The following SHROOM3 variants were observed in gnomAD, a reference collection of about 807,000 sequenced individuals.
The protein encoded by SHROOM3 is protein Shroom3.
Under a neutral mutation model 138.6 loss-of-function variants are expected in SHROOM3, and 47 were observed. The ratio of observed to expected loss-of-function variants is 0.34; its 90% CI spans 0.27 to 0.43. SHROOM3 has a LOEUF of 0.43. SHROOM3 is among the 20% of genes least tolerant of loss of function. The pLI, the probability that SHROOM3 is intolerant of heterozygous loss-of-function variation, is 1.00. For missense variants in SHROOM3, 2,491 were observed against 2,596.5 expected, an observed-to-expected ratio of 0.96 and a Z score of 0.88; for synonymous variants, 1,062 against 1,063.3, an observed-to-expected ratio of 1.00 and a Z score of 0.02.
intron 2 of SHROOM3, among the ~76,000 whole-genome samples, chr4:76,577,945 C>CT (rs1252628111): frequency 6.6e-6 from 1 of 152,098 alleles, no homozygotes; most frequent in Non-Finnish European, 1.5e-5. Flanking sequence ...TATTTTCTCT[C>CT]TCTTCTTCTT....
Position 76,756,628 on chromosome 4 carries a change from G to A in SHROOM3, c.4889G>A (p.Gly1630Glu), listed in dbSNP as rs955415110. 2.2e-5 allele frequency: 36 copies of A among 1,613,640 alleles called. No homozygotes were observed. The highest frequency in any genetic ancestry group is 2.8e-5 in the Non-Finnish European group (33 of 1,179,966). Residue 1630 changes from glycine to glutamate, a missense_variant, in exon 8 of 11, where the codon GGG becomes GAG. Physicochemically the swap from Gly to Glu is moderately conservative, Grantham distance 98. Coordinates refer to ENST00000296043, the MANE Select transcript of SHROOM3 (RefSeq NM_020859.4). ...GCCCAACTTGCTGGGTCTCTTGGTG[G>A]GCAGCCAGCACCCATCCAGACTCAA... is the stretch of plus-strand genomic sequence containing the variant. ...VHAQLAGSLG[G>E]QPAPIQTQSL...
At chr4:76,487,977 G>T (rs1731767096) in intron 1 of SHROOM3, among the ~76,000 whole-genome samples, 1 of 152,142 alleles carries the variant, frequency 6.6e-6, no homozygotes, top group Admixed American at 6.5e-5. Context: ...TAGGTGAAAA[G>T]AACTTTTAAT....
intron 2 of SHROOM3, among the ~76,000 whole-genome samples, chr4:76,689,283 T>C (rs1050223454): frequency 2.1e-5 from 3 of 142,472 alleles, no homozygotes; most frequent in Non-Finnish European, 3.1e-5. Context: ...TTCTTTGCCA[T>C]TGAAATGCAA....
chr4:76,775,321 GGTGTGTGT>G (rs57294282), intron 10 of SHROOM3, among the ~76,000 whole-genome samples: 26 of 149,216 alleles, frequency 1.7e-4, no homozygotes, highest in African/African-American at 4.2e-4. Flanking sequence ...TAGTCCATGG[GGTGTGTGT>G]GTGTGTGTGT....
intron 1 of SHROOM3, among the ~76,000 whole-genome samples, chr4:76,489,584 T>C (rs1731807151): frequency 1.3e-5 from 2 of 152,186 alleles, no homozygotes; most frequent in South Asian, 4.1e-4. Flanking sequence ...ATAATGTGCT[T>C]TGAAAGAGTG....
chr4:76,712,911 C>A (rs1290997809), intron 3 of SHROOM3, among the ~76,000 whole-genome samples: 1 of 152,176 alleles, frequency 6.6e-6, no homozygotes, highest in Non-Finnish European at 1.5e-5. Context: ...AGACTATGAA[C>A]CTGGACAGCA....
intron 2 of SHROOM3, among the ~76,000 whole-genome samples, chr4:76,688,046 G>C (rs556705833): frequency 1.3e-5 from 2 of 152,196 alleles, no homozygotes; most frequent in Non-Finnish European, 2.9e-5. Context: ...CTTCTTCAAA[G>C]CTTAAGTTCT....
chr4:76,510,320 AG>A (rs1166377900), intron 1 of SHROOM3, among the ~76,000 whole-genome samples: 1 of 152,246 alleles, frequency 6.6e-6, no homozygotes, highest in Admixed American at 6.5e-5. Flanking sequence ...GAATGGGATG[AG>A]GTAAAGTCAG....
chr4:76,667,104 G>A (rs1471382254), intron 2 of SHROOM3, among the ~76,000 whole-genome samples: 1 of 152,188 alleles, frequency 6.6e-6, no homozygotes, highest in East Asian at 1.9e-4. Flanking sequence ...TGTTCAGTGT[G>A]TACAAAGTTT....
chr4:76,730,661 A>G, intron 3 of SHROOM3, 143 bp from the exon 4 acceptor site: 4 of 1,013,482 alleles, frequency 3.9e-6, no homozygotes. Context: ...AAGTAGCAAA[A>G]TCTTCTTCTC....
intron 3 of SHROOM3, among the ~76,000 whole-genome samples, chr4:76,722,501 C>A (rs1332212495): frequency 6.6e-6 from 1 of 151,996 alleles, no homozygotes; most frequent in Non-Finnish European, 1.5e-5. Flanking sequence ...CTGGGGCCTA[C>A]TTGAGGGTGA....
In SHROOM3 at chr4:76,453,284, C is replaced by CTT. The variant is rs113928987; in HGVS notation, c.168+17073_168+17074dup. Among the ~76,000 whole-genome samples the CTT allele has an allele frequency of 1.9e-4, 28 of 149,236 alleles. No homozygotes were observed. In the South Asian group the frequency reaches 4.7e-3, roughly 25 times the overall value. ...TAATTTTTCTCTAATTAATTTTCTT[C>CTT]TTTTTTTTTTAAGAGACAGGGTCTT... On this transcript the variant is annotated intron_variant, in intron 1 of 10. Transcript: ENST00000296043.
chr4:76,457,325 C>A (rs530482670), intron 1 of SHROOM3, among the ~76,000 whole-genome samples: 7 of 152,110 alleles, frequency 4.6e-5, no homozygotes, highest in African/African-American at 1.7e-4. Context: ...GTGTGCAGCA[C>A]CTCCTCCCTC....
At chr4:76,567,842 G>A (rs534718028) in intron 2 of SHROOM3, among the ~76,000 whole-genome samples, 7 of 151,500 alleles carry the variant, frequency 4.6e-5, no homozygotes, top group Admixed American at 6.6e-5. Context: ...TTAAAGAAGC[G>A]AACAATTGAA....
intron 5 of SHROOM3, among the ~76,000 whole-genome samples, chr4:76,743,498 T>A (rs1279043969): frequency 6.6e-6 from 1 of 152,210 alleles, no homozygotes; most frequent in African/African-American, 2.4e-5. Context: ...TTGAACTACT[T>A]GTAGCCTGAG....
At chr4:76,518,224 T>G (rs1732484272) in intron 1 of SHROOM3, among the ~76,000 whole-genome samples, 2 of 152,178 alleles carry the variant, frequency 1.3e-5, no homozygotes, top group Middle Eastern at 6.8e-3. Context: ...AAGACAGACA[T>G]TTTGGGGAGG....
chr4:76,450,530 A>G (rs1730905550), intron 1 of SHROOM3, among the ~76,000 whole-genome samples: 1 of 152,236 alleles, frequency 6.6e-6, no homozygotes, highest in Non-Finnish European at 1.5e-5. Flanking sequence ...ATAGCCATAT[A>G]ATGGAATACT....
At chr4:76,761,149 A>AC (rs1721976751) in intron 9 of SHROOM3, among the ~76,000 whole-genome samples, 1 of 152,200 alleles carries the variant, frequency 6.6e-6, no homozygotes, top group South Asian at 2.1e-4. Flanking sequence ...CGAGCATAGT[A>AC]CCCAATAGGT....
At chr4:76,462,792 G>A (rs148931964) in intron 1 of SHROOM3, among the ~76,000 whole-genome samples, 1 of 149,076 alleles carries the variant, frequency 6.7e-6, no homozygotes, top group East Asian at 2.0e-4. Context: ...GCCATGGTAA[G>A]ACATGCTTGC....
Sources: allele counts gnomAD v4.1 joint callset (sites outside exome capture counted in the v4.1 genomes callset), GRCh38; gene constraint gnomAD v4.1.1; transcripts MANE v1.5; gene names NCBI Gene and HGNC (gene_info 2026-07-23, HGNC 2026-07-21).